APCDD1: variants seen among roughly 807,000 people sequenced by gnomAD.
APCDD1 encodes the protein protein APCDD1.
A neutral mutation model predicts 38.1 loss-of-function variants in APCDD1; 15 were observed. The observed-to-expected ratio is 0.39, with a 90% CI of 0.26 to 0.61. The LOEUF is 0.61. Among genes scored for constraint, APCDD1 ranks in the 20% least tolerant of loss-of-function variants. The probability of loss-of-function intolerance (pLI) is 0.49; values close to 1 mark genes in which losing one functional copy is unlikely to be tolerated. For missense variants in APCDD1, 647 were observed against 696.2 expected (o/e 0.93, Z 0.79); for synonymous variants, 261 against 279.7 (o/e 0.93, Z 0.67).
intron 3 of APCDD1, among the ~76,000 whole-genome samples, chr18:10,473,672 A>C (rs1180469250): frequency 1.3e-5 from 2 of 152,176 alleles, no homozygotes; most frequent in Non-Finnish European, 2.9e-5. Flanking sequence ...TGATACCTGG[A>C]CTGGGGTGTG....
chr18:10,457,900 T>TGCCATCAAAA (rs2030423109), intron 1 of APCDD1, among the ~76,000 whole-genome samples: 1 of 152,230 alleles, frequency 6.6e-6, no homozygotes, highest in Admixed American at 6.5e-5. Flanking sequence ...AGTTCAAAAT[T>TGCCATCAAAA]TGATGGCATA....
In APCDD1 at chr18:10,467,186, T is replaced by C. The variant is rs1303084754; in HGVS notation, c.59-1283T>C. Among the ~76,000 whole-genome samples the C allele has an allele frequency of 1.3e-5, 2 of 152,244 alleles. No homozygotes were observed. The highest frequency in any genetic ancestry group is 4.8e-5 in the African/African-American group (2 of 41,460). On this transcript the variant is annotated intron_variant, in intron 1 of 4. Coordinates refer to ENST00000355285, the MANE Select transcript of APCDD1 (RefSeq NM_153000.5). The surrounding 1 kb of genome is among the most constrained non-coding windows in gnomAD (Gnocchi z 4.8). The stretch of plus-strand genomic sequence containing the variant: ...TCCTGCAGGTCTCAGTTTATCCAGG[T>C]AGATTTTCGTCATGTTGCTGTAAGT...
chr18:10,485,698 C>T lies in APCDD1; in HGVS notation c.1011C>T (p.Pro337=), dbSNP rs1283958408. 1 of 1,614,182 alleles carries T rather than the reference C, an allele frequency of 6.2e-7. No individual in the cohort carries two copies. The highest frequency in any genetic ancestry group is 8.5e-7 in the Non-Finnish European group (1 of 1,180,038). Reference sequence around the variant, plus strand: ...ACTCAGACCCGGTGTGCAAGCACCCCACCTTCTCCATCTACGCCCGGGGCC... The same window carrying T: ...ACTCAGACCCGGTGTGCAAGCACCCTACCTTCTCCATCTACGCCCGGGGCC... ...YHYSDPVCKH[P]TFSIYARGRY... is the part of the protein sequence containing the mutation. The change falls in exon 4 of 5, where the codon CCC becomes CCT. Residue 337 remains proline, a synonymous_variant. Coordinates refer to ENST00000355285, the MANE Select transcript of APCDD1 (RefSeq NM_153000.5). The surrounding 1 kb of genome is among the most constrained non-coding windows in gnomAD (Gnocchi z 5.8).
chr18:10,462,421 T>C (rs2030570666), intron 1 of APCDD1, among the ~76,000 whole-genome samples: 1 of 89,464 alleles, frequency 1.1e-5, no homozygotes, highest in Non-Finnish European at 2.3e-5. Context: ...CTTCCTTCCT[T>C]CCTTTCCCCC....
intron 3 of APCDD1, among the ~76,000 whole-genome samples, chr18:10,478,444 C>T (rs1052633325): frequency 1.3e-5 from 2 of 152,240 alleles, no homozygotes; most frequent in Non-Finnish European, 2.9e-5. Context: ...CAGCCACTCA[C>T]TTCTCACAGT....
At chr18:10,461,617 A>G (rs1397392992) in intron 1 of APCDD1, among the ~76,000 whole-genome samples, 1 of 152,240 alleles carries the variant, frequency 6.6e-6, no homozygotes, top group Non-Finnish European at 1.5e-5. Flanking sequence ...TAATGCAAAC[A>G]TTAGTCATTA....
At position 10,469,751 on chromosome 18, in the gene APCDD1, TG is replaced by T. The variant is rs1439656239; in HGVS notation, c.242+1100del. Among the ~76,000 whole-genome samples, 2 of 152,202 alleles carry T rather than the reference TG, an allele frequency of 1.3e-5. No homozygotes were observed. Among genetic ancestry groups the T allele is most frequent in the African/African-American group, 4.8e-5 (2 of 41,454 alleles). ...ACCCTTGAGCTGAGACATTGTTGGC[TG>T]TGCAAAGACTGTGGGAAGAGCTTTG... On this transcript the variant is annotated intron_variant, in intron 2 of 4. Coordinates refer to ENST00000355285, the MANE Select transcript of APCDD1 (RefSeq NM_153000.5). The surrounding 1 kb of genome is among the most constrained non-coding windows in gnomAD (Gnocchi z 5.5).
intron 1 of APCDD1, among the ~76,000 whole-genome samples, chr18:10,463,967 C>T (rs549272999): frequency 6.6e-6 from 1 of 152,330 alleles, no homozygotes; most frequent in South Asian, 2.1e-4. Context: ...CTGCCAGCCT[C>T]GCTGGGTTTC....
intron 3 of APCDD1, chr18:10,477,502 T>A (rs758117517): frequency 2.0e-5 from 3 of 152,232 alleles, no homozygotes; most frequent in Non-Finnish European, 4.4e-5. Flanking sequence ...TTATATTTCT[T>A]GACTCCAGAG....
At chr18:10,462,992 GC>G (rs577475021) in intron 1 of APCDD1, among the ~76,000 whole-genome samples, 1 of 151,676 alleles carries the variant, frequency 6.6e-6, no homozygotes, top group African/African-American at 2.4e-5. Context: ...TCTTTTGGTG[GC>G]CCCCCCTTCA....
intron 1 of APCDD1, among the ~76,000 whole-genome samples, chr18:10,465,231 A>G (rs909033495): frequency 2.0e-5 from 3 of 152,214 alleles, no homozygotes; most frequent in Admixed American, 6.5e-5. Flanking sequence ...TCCAGGCAGC[A>G]GCCATGAGGG....
At chr18:10,462,664 T>TGACCCTC (rs2030598936) in intron 1 of APCDD1, among the ~76,000 whole-genome samples, 1 of 140,172 alleles carries the variant, frequency 7.1e-6, no homozygotes, top group African/African-American at 2.7e-5. Flanking sequence ...CTTCCTTCCT[T>TGACCCTC]CCTTCCTTCC....
In APCDD1 at chr18:10,488,111, G is replaced by C. The variant is rs2031290671; in HGVS notation, c.*73G>C. On this transcript the variant is annotated 3_prime_UTR_variant, in exon 5 of 5. Coordinates refer to ENST00000355285, the MANE Select transcript of APCDD1 (RefSeq NM_153000.5). ...ACAGATTTGCTTTACCAAAAGAAAA[G>C]ACATTTATTCTTTTGATGCACTTGA... 1.3e-6 allele frequency: 2 copies of C among 1,560,236 alleles called. No individual in the cohort carries two copies. The highest frequency in any genetic ancestry group is 2.7e-5 in the African/African-American group (2 of 73,838).
rs1230388975 is a variant in APCDD1 at position 10,455,854 on chromosome 18, C to T, written c.58+815C>T. Among the ~76,000 whole-genome samples the T allele has an allele frequency of 2.0e-5, 3 of 152,270 alleles. No homozygotes were observed. In the East Asian group the frequency reaches 5.8e-4, roughly 29 times the overall value. Reference sequence around the variant, plus strand: ...GGTGGACAAGGCAGGTTTTATGGCGCGTCGGGTTCATAATCCTGACAAGCC... The same window carrying T: ...GGTGGACAAGGCAGGTTTTATGGCGTGTCGGGTTCATAATCCTGACAAGCC... On this transcript the variant is annotated intron_variant, in intron 1 of 4. Coordinates refer to ENST00000355285, the MANE Select transcript of APCDD1 (RefSeq NM_153000.5).
At chr18:10,465,135 G>T (rs1443176941) in intron 1 of APCDD1, among the ~76,000 whole-genome samples, 2 of 152,206 alleles carry the variant, frequency 1.3e-5, no homozygotes, top group Non-Finnish European at 2.9e-5. Context: ...TTTAGTGACT[G>T]CAAGATACCC....
At chr18:10,455,076 G>T (rs1412895753) in intron 1 of APCDD1, 37 bp downstream of exon 1, 3 of 1,549,264 alleles carry the variant, frequency 1.9e-6, no homozygotes, top group Non-Finnish European at 2.6e-6. Context: ...CTCCCAGCCG[G>T]CGGAGGCAGC....
rs200208802 is a variant in APCDD1, at chr18:10,485,759, G to A, written c.1072G>A (p.Gly358Arg). The A allele has an allele frequency of 3.7e-6, 6 of 1,613,366 alleles. No individual in the cohort carries two copies. The highest frequency in any genetic ancestry group is 3.3e-4 in the Middle Eastern group (2 of 6,084). ...CGGCGTCCTCTCGTCCAGGGTCATG[G>A]GAGGCACCGAGTTCGTGTTCAAAGG... The part of the protein sequence containing the change: ...SRGVLSSRVM[G>R]GTEFVFKVNH... The change falls in exon 4 of 5, where the codon GGA (glycine) becomes AGA (arginine). Residue 358 changes from glycine to arginine, a missense_variant. Gly to Arg is a moderately radical substitution (Grantham distance 125). Transcript: ENST00000355285. This position sits in a 1 kb window ranked among gnomAD's most constrained non-coding sequence, Gnocchi z 5.8.
intron 1 of APCDD1, among the ~76,000 whole-genome samples, chr18:10,461,912 T>A (rs567425050): frequency 1.8e-4 from 27 of 152,314 alleles, no homozygotes; most frequent in African/African-American, 6.5e-4. Context: ...CTAACTCTTG[T>A]TTTATCTGTA....
Position 10,469,688 on chromosome 18 carries a change from A to T in APCDD1, c.242+1036A>T, listed in dbSNP as rs74408281. On this transcript the variant is annotated intron_variant, in intron 2 of 4. Coordinates refer to ENST00000355285, the MANE Select transcript of APCDD1 (RefSeq NM_153000.5). The surrounding 1 kb of genome is among the most constrained non-coding windows in gnomAD (Gnocchi z 5.5). ...AGAATACCAGGGGGCCCCATTTTAA[A>T]ATCAGGGCGGAGTTCAGAAAGCCTA... Among the ~76,000 whole-genome samples the T allele has an allele frequency of 1.1e-4, 17 of 152,054 alleles. No individual in the cohort carries two copies. The East Asian group carries it at 3.1e-3, about 28-fold the overall frequency.
Sources: gnomAD v4.1 joint callset for allele counts (sites outside exome capture counted in the v4.1 genomes callset) on GRCh38, gnomAD v4.1.1 for gene constraint, Gnocchi (gnomAD v3.1) non-coding constraint, MANE v1.5 for transcripts, NCBI Gene and HGNC (gene_info 2026-07-23, HGNC 2026-07-21) for gene names.